ADO: variants seen among roughly 807,000 people sequenced by gnomAD.
The protein encoded by ADO is 2-aminoethanethiol dioxygenase, also known as 2-aminoethanethiol (cysteamine) dioxygenase.
In ADO, 9 loss-of-function variants were observed where a neutral mutation model predicts 16.6. The ratio of observed to expected loss-of-function variants is 0.54; its 90% CI spans 0.33 to 0.95. ADO has a LOEUF of 0.95. ADO is among the 40% of genes least tolerant of loss of function. The pLI, the probability that ADO is intolerant of heterozygous loss-of-function variation, is 0.03. For synonymous variants in ADO, 189 were observed against 179.6 expected (o/e 1.05, Z -0.42); for missense variants, 356 against 386.4 (o/e 0.92, Z 0.66).
rs766213047 is a variant in ADO at position 62,805,197 on chromosome 10, C to T, written c.138C>T (p.Gly46=). 7 of 1,602,018 alleles carry T rather than the reference C, an allele frequency of 4.4e-6. No individual in the cohort carries two copies. The highest frequency in any genetic ancestry group is 5.1e-6 in the Non-Finnish European group (6 of 1,177,318). The change falls in exon 1 of 1, where the codon GGC becomes GGT. Residue 46 remains glycine, a synonymous_variant. Transcript: ENST00000373783. The surrounding 1 kb of genome is among the most constrained non-coding windows in gnomAD (Gnocchi z 6.4). ...ASGPEAPMQP[G]FPENLSKLKS... ...GCCCGGAGGCGCCGATGCAGCCGGG[C>T]TTCCCCGAGAACCTGAGCAAGCTGA...
In ADO at chr10:62,805,191, G is replaced by C; in HGVS notation, c.132G>C (p.Gln44His). Reference sequence around the variant, plus strand: ...CTTCTGGCCCGGAGGCGCCGATGCAGCCGGGCTTCCCCGAGAACCTGAGCA... The same window carrying C: ...CTTCTGGCCCGGAGGCGCCGATGCACCCGGGCTTCCCCGAGAACCTGAGCA... Reference protein sequence around the residue: ...DAASGPEAPMQPGFPENLSKL... With the variant: ...DAASGPEAPMHPGFPENLSKL... The change falls in exon 1 of 1, where the codon CAG (glutamine) becomes CAC (histidine). Residue 44 changes from glutamine to histidine, a missense_variant. Transcript: ENST00000373783. This position sits in a 1 kb window ranked among gnomAD's most constrained non-coding sequence, Gnocchi z 6.4. 1 of 1,602,046 alleles carries C rather than the reference G, an allele frequency of 6.2e-7. No homozygotes were observed. Among genetic ancestry groups the C allele is most frequent in the Non-Finnish European group, 8.5e-7 (1 of 1,177,342 alleles).
rs772442170 is a variant in ADO at position 62,805,173 on chromosome 10, C to T, written c.114C>T (p.Gly38=). The T allele has an allele frequency of 4.4e-6, 7 of 1,599,328 alleles. No individual in the cohort carries two copies. Among genetic ancestry groups the T allele is most frequent in the Non-Finnish European group, 5.1e-6 (6 of 1,176,178 alleles). ...CTTCCGATCGCGACGCGGCTTCTGG[C>T]CCGGAGGCGCCGATGCAGCCGGGCT... The part of the protein sequence containing the change: ...RGASDRDAAS[G]PEAPMQPGFP... The change falls in exon 1 of 1, where the codon GGC becomes GGT. Residue 38 remains glycine (G), a synonymous_variant. Coordinates refer to ENST00000373783, the MANE Select transcript of ADO (RefSeq NM_032804.6). The surrounding 1 kb of genome is among the most constrained non-coding windows in gnomAD (Gnocchi z 6.4).
Position 62,806,477 on chromosome 10 carries a change from AG to A in ADO, c.*607del, listed in dbSNP as rs1437863993. 6.0e-6 allele frequency: 1 copy of A among 167,258 alleles called. No individual in the cohort carries two copies. Among genetic ancestry groups the A allele is most frequent in the East Asian group, 1.9e-4 (1 of 5,346 alleles). The allele number at this position is 167,258 out of a possible 1,614,324, so 10.4% of individuals were successfully genotyped here. Reference sequence around the variant, plus strand: ...TCTCACAACATAACTATGCATGTAGAGGACAAGATTTATTTTCTTTCCTCCC... The same window carrying A: ...TCTCACAACATAACTATGCATGTAGAGACAAGATTTATTTTCTTTCCTCCC... On this transcript the variant is annotated 3_prime_UTR_variant, in exon 1 of 1. Coordinates refer to ENST00000373783, the MANE Select transcript of ADO (RefSeq NM_032804.6).
At position 62,807,883 on chromosome 10, in the gene ADO, G is replaced by A. The variant is rs545906921; in HGVS notation, c.*2011G>A. ...ACATACTTTTTTGGATTATATTGTA[G>A]CAAAAAGTTGATTAGCTTACCAAGA... On this transcript the variant is annotated 3_prime_UTR_variant, in exon 1 of 1. Coordinates refer to ENST00000373783, the MANE Select transcript of ADO (RefSeq NM_032804.6). 1.8e-5 allele frequency: 3 copies of A among 167,046 alleles called. No homozygotes were observed. In the South Asian group the frequency reaches 6.2e-4, roughly 35 times the overall value. 10.3% of individuals were successfully genotyped at this position (167,046 alleles called of 1,614,324 possible).
rs1199231361 is a variant in ADO at position 62,808,217 on chromosome 10, T to C, written c.*2345T>C. 6.0e-6 allele frequency: 1 copy of C among 167,302 alleles called. No individual in the cohort carries two copies. Among genetic ancestry groups the C allele is most frequent in the Non-Finnish European group, 1.5e-5 (1 of 68,128 alleles). 10.4% of individuals were successfully genotyped at this position (167,302 alleles called of 1,614,324 possible). Reference sequence around the variant, plus strand: ...GGTGAAGACAAAATATAACTTGTTTTAGTGAGCCACTGAGGAAAGAATATG... The same window carrying C: ...GGTGAAGACAAAATATAACTTGTTTCAGTGAGCCACTGAGGAAAGAATATG... On this transcript the variant is annotated 3_prime_UTR_variant, in exon 1 of 1. Coordinates refer to ENST00000373783, the MANE Select transcript of ADO (RefSeq NM_032804.6).
rs1160205993 is a variant in ADO at position 62,806,724 on chromosome 10, A to G, written c.*852A>G. 1 of 167,140 alleles carries G rather than the reference A, an allele frequency of 6.0e-6. No individual in the cohort carries two copies. The highest frequency in any genetic ancestry group is 1.5e-5 in the Non-Finnish European group (1 of 68,122). 10.4% of individuals were successfully genotyped at this position (167,140 alleles called of 1,614,324 possible). Reference sequence around the variant, plus strand: ...CTTACTGTACCTTAAAAGGTGATAGAGTAATTCTGTATTTTCTAACGGGAA... The same window carrying G: ...CTTACTGTACCTTAAAAGGTGATAGGGTAATTCTGTATTTTCTAACGGGAA... On this transcript the variant is annotated 3_prime_UTR_variant, in exon 1 of 1. Transcript: ENST00000373783.
rs550198698 is a variant in ADO at position 62,807,777 on chromosome 10, A to C, written c.*1905A>C. 1 of 167,330 alleles carries C rather than the reference A, an allele frequency of 6.0e-6. No individual in the cohort carries two copies. The highest frequency in any genetic ancestry group is 2.4e-5 in the African/African-American group (1 of 41,576). The allele number at this position is 167,330 out of a possible 1,614,324, so 10.4% of individuals were successfully genotyped here. A position where few individuals can be genotyped will look rare whatever the true frequency, so the allele number is the denominator to read the frequency against. ...TTGAAAATAAAATTCTAGATATGCA[A>C]ATGATTTTCTTAGAAAACTTCACAA... On this transcript the variant is annotated 3_prime_UTR_variant, in exon 1 of 1. Coordinates refer to ENST00000373783, the MANE Select transcript of ADO (RefSeq NM_032804.6).
Position 62,808,048 on chromosome 10 carries a change from G to A in ADO, c.*2176G>A, listed in dbSNP as rs1337319145. Reference sequence around the variant, plus strand: ...GAAGTTTTAAAGTTTTCAATTACGAGCAATTTGGAAGAAAAAACCTAAGGT... The same window carrying A: ...GAAGTTTTAAAGTTTTCAATTACGAACAATTTGGAAGAAAAAACCTAAGGT... On this transcript the variant is annotated 3_prime_UTR_variant, in exon 1 of 1. Transcript: ENST00000373783. The A allele has an allele frequency of 6.0e-6, 1 of 167,072 alleles. No homozygotes were observed. The highest frequency in any genetic ancestry group is 2.4e-5 in the African/African-American group (1 of 41,420). 10.3% of individuals were successfully genotyped at this position (167,072 alleles called of 1,614,324 possible).
chr10:62,804,943 T>A lies in ADO; in HGVS notation c.-117T>A. The A allele has an allele frequency of 2.0e-6, 2 of 981,016 alleles. No homozygotes were observed. Among genetic ancestry groups the A allele is most frequent in the Non-Finnish European group, 2.6e-6 (2 of 756,520 alleles). 60.8% of individuals were successfully genotyped at this position (981,016 alleles called of 1,614,324 possible). A position where few individuals can be genotyped will look rare whatever the true frequency, so the allele number is the denominator to read the frequency against. Reference sequence around the variant, plus strand: ...CGGTGCCGCGCGCCCGACGGGCCGGTGGTTGCGGGGCCTCCCGCCTCGACC... The same window carrying A: ...CGGTGCCGCGCGCCCGACGGGCCGGAGGTTGCGGGGCCTCCCGCCTCGACC... On this transcript the variant is annotated 5_prime_UTR_variant, in exon 1 of 1. Coordinates refer to ENST00000373783, the MANE Select transcript of ADO (RefSeq NM_032804.6).
rs918262273 is a variant in ADO at position 62,808,143 on chromosome 10, T to A, written c.*2271T>A. ...ATATGATATCTCAGATTTAGTTCAA[T>A]AAGAACAGTGAAACTTTTGGTTCAC... On this transcript the variant is annotated 3_prime_UTR_variant, in exon 1 of 1. Coordinates refer to ENST00000373783, the MANE Select transcript of ADO (RefSeq NM_032804.6). 5.4e-5 allele frequency: 9 copies of A among 167,260 alleles called. No homozygotes were observed. The highest frequency in any genetic ancestry group is 4.4e-5 in the Non-Finnish European group (3 of 68,118). The allele number at this position is 167,260 out of a possible 1,614,324, so 10.4% of individuals were successfully genotyped here.
At position 62,805,704 on chromosome 10, in the gene ADO, C is replaced by T. The variant is rs1842044751; in HGVS notation, c.645C>T (p.Asp215=). 3 of 1,610,958 alleles carry T rather than the reference C, an allele frequency of 1.9e-6. No individual in the cohort carries two copies. Among genetic ancestry groups the T allele is most frequent in the Non-Finnish European group, 2.5e-6 (3 of 1,179,254 alleles). ...TCCTGGCCCCGCCCTACGACCCGGACGATGGCCGGGACTGCCACTATTACC... is the reference window on the plus strand; with the variant it reads ...TCCTGGCCCCGCCCTACGACCCGGATGATGGCCGGGACTGCCACTATTACC... ...LDILAPPYDP[D]DGRDCHYYRV... The change falls in exon 1 of 1, where the codon GAC becomes GAT. Residue 215 remains aspartate (D), a synonymous_variant. Transcript: ENST00000373783. This position sits in a 1 kb window ranked among gnomAD's most constrained non-coding sequence, Gnocchi z 6.4.
chr10:62,807,704 T>TA lies in ADO; in HGVS notation c.*1836dup, dbSNP rs909439227. On this transcript the variant is annotated 3_prime_UTR_variant, in exon 1 of 1. Transcript: ENST00000373783. ...TGTAGCTCCACATTCTGGTGTAGTT[T>TA]AAAATGCCTTTGGGGGCAGTTTGAA... The TA allele has an allele frequency of 3.0e-5, 5 of 167,264 alleles. No homozygotes were observed. The highest frequency in any genetic ancestry group is 1.2e-4 in the African/African-American group (5 of 41,466). 10.4% of individuals were successfully genotyped at this position (167,264 alleles called of 1,614,324 possible).
At position 62,806,368 on chromosome 10, in the gene ADO, G is replaced by A. The variant is rs1589077466; in HGVS notation, c.*496G>A. The A allele has an allele frequency of 6.0e-6, 1 of 167,554 alleles. No homozygotes were observed. Among genetic ancestry groups the A allele is most frequent in the Admixed American group, 6.5e-5 (1 of 15,302 alleles). 10.4% of individuals were successfully genotyped at this position (167,554 alleles called of 1,614,324 possible). On this transcript the variant is annotated 3_prime_UTR_variant, in exon 1 of 1. Transcript: ENST00000373783. ...GTCATTGGTAAAAACTAGGTTTAAG[G>A]AGATGAGCTACTGTTTAAAGTGAGC...
Position 62,805,332 on chromosome 10 carries a change from C to G in ADO, c.273C>G (p.Tyr91Ter), listed in dbSNP as rs1483213847. 6.2e-7 allele frequency: 1 copy of G among 1,603,550 alleles called. No individual in the cohort carries two copies. Among genetic ancestry groups the G allele is most frequent in the Non-Finnish European group, 8.5e-7 (1 of 1,178,888 alleles). ...CGCCAGTCACCTACATGCACATCTA[C>G]GAGACGGACGGCTTCAGCCTGGGCG... Reference protein sequence around the residue: ...NLPPVTYMHIYETDGFSLGVF... With the variant: ...NLPPVTYMHI Residue 91 changes from tyrosine (Y) to a stop codon, truncating the protein, a stop_gained, in exon 1 of 1, where the codon TAC becomes TAG. Transcript: ENST00000373783. LOFTEE classifies it high-confidence loss of function. The surrounding 1 kb of genome is among the most constrained non-coding windows in gnomAD (Gnocchi z 6.4).
chr10:62,806,147 T>G lies in ADO; in HGVS notation c.*275T>G. ...CAGGGGACTATCTGAAGCGCTTCCA[T>G]CCTAAAGCCATAATGAAAATATCTT... On this transcript the variant is annotated 3_prime_UTR_variant, in exon 1 of 1. Transcript: ENST00000373783. 1 of 388,670 alleles carries G rather than the reference T, an allele frequency of 2.6e-6. No homozygotes were observed. 24.1% of individuals were successfully genotyped at this position (388,670 alleles called of 1,614,324 possible).
chr10:62,805,929 C>A lies in ADO; in HGVS notation c.*57C>A. On this transcript the variant is annotated 3_prime_UTR_variant, in exon 1 of 1. Transcript: ENST00000373783. The surrounding 1 kb of genome is among the most constrained non-coding windows in gnomAD (Gnocchi z 6.4). The stretch of plus-strand genomic sequence containing the variant: ...GACGTGCCCTACCCTACCACAAGGG[C>A]TGTGTCTCTACCCCCTAGCCTGGGC... 7.1e-7 allele frequency: 1 copy of A among 1,403,814 alleles called. No homozygotes were observed. Among genetic ancestry groups the A allele is most frequent in the Non-Finnish European group, 9.4e-7 (1 of 1,065,260 alleles). The allele number at this position is 1,403,814 out of a possible 1,614,324, so 87.0% of individuals were successfully genotyped here.
At position 62,805,580 on chromosome 10, in the gene ADO, C is replaced by T; in HGVS notation, c.521C>T (p.Ala174Val). Residue 174 changes from alanine to valine, a missense_variant, in exon 1 of 1, where the codon GCC (alanine) becomes GTC (valine). Physicochemically the swap from Ala to Val is moderately conservative, Grantham distance 64. Coordinates refer to ENST00000373783, the MANE Select transcript of ADO (RefSeq NM_032804.6). This position sits in a 1 kb window ranked among gnomAD's most constrained non-coding sequence, Gnocchi z 6.4. ...AVRPGVLRSR[A>V]EYTEASGPCI... ...CGGCCGGGCGTGCTGCGTTCGCGGGCCGAGTACACCGAGGCCAGCGGCCCC... is the reference window on the plus strand; with the variant it reads ...CGGCCGGGCGTGCTGCGTTCGCGGGTCGAGTACACCGAGGCCAGCGGCCCC... 3 of 1,576,666 alleles carry T rather than the reference C, an allele frequency of 1.9e-6. No individual in the cohort carries two copies. Among genetic ancestry groups the T allele is most frequent in the Non-Finnish European group, 2.6e-6 (3 of 1,162,552 alleles).
At position 62,804,898 on chromosome 10, in the gene ADO, G is replaced by A. The variant is rs1842031556; in HGVS notation, c.-162G>A. On this transcript the variant is annotated 5_prime_UTR_variant, in exon 1 of 1. The change creates a new upstream start codon in the 5' untranslated region. Transcript: ENST00000373783. The stretch of plus-strand genomic sequence containing the variant: ...GAGCGCGCCGGGCAGTTGCGGGCGC[G>A]TGGCTGCTGAGGTTGGCGGCGGTGC... 1 of 561,306 alleles carries A rather than the reference G, an allele frequency of 1.8e-6. No individual in the cohort carries two copies. Among genetic ancestry groups the A allele is most frequent in the Non-Finnish European group, 2.6e-6 (1 of 388,068 alleles). 34.8% of individuals were successfully genotyped at this position (561,306 alleles called of 1,614,324 possible). A position where few individuals can be genotyped will look rare whatever the true frequency, so the allele number is the denominator to read the frequency against.
Position 62,806,627 on chromosome 10 carries a change from G to A in ADO, c.*755G>A, listed in dbSNP as rs185025282. The A allele has an allele frequency of 1.2e-3, 200 of 167,324 alleles. 1 individual carries two copies. Among genetic ancestry groups the A allele is most frequent in the Non-Finnish European group, 1.1e-3 (74 of 68,112 alleles). The allele number at this position is 167,324 out of a possible 1,614,324, so 10.4% of individuals were successfully genotyped here. A position where few individuals can be genotyped will look rare whatever the true frequency, so the allele number is the denominator to read the frequency against. The stretch of plus-strand genomic sequence containing the variant: ...CTATGAATCTCCAGATCTGTGAGTC[G>A]AGCAGATTTCATGTTGCAGATTCAC... On this transcript the variant is annotated 3_prime_UTR_variant, in exon 1 of 1. Coordinates refer to ENST00000373783, the MANE Select transcript of ADO (RefSeq NM_032804.6).
Sources: gnomAD v4.1 joint callset for allele counts on GRCh38, gnomAD v4.1.1 for gene constraint, Gnocchi (gnomAD v3.1) non-coding constraint, MANE v1.5 for transcripts, NCBI Gene and HGNC (gene_info 2026-07-23, HGNC 2026-07-21) for gene names.